Variants in PRR16 observed in about 807,000 individuals in gnomAD.
The protein encoded by PRR16 is proline rich 16, also known as protein Largen.
A neutral mutation model predicts 18.2 loss-of-function variants in PRR16; 6 were observed. The ratio of observed to expected loss-of-function variants is 0.33; its 90% confidence interval spans 0.18 to 0.65. The LOEUF is 0.65. Ranked by LOEUF, PRR16 falls within the 30% of genes least tolerant of loss-of-function variation. The probability of loss-of-function intolerance (pLI) is 0.74; values close to 1 mark genes in which losing one functional copy is unlikely to be tolerated. For synonymous variants in PRR16, 151 were observed against 147.8 expected (o/e 1.02, Z -0.16); for missense variants, 412 against 376.6 (o/e 1.09, Z -0.78).
At chr5:120,712,549 A>C in the PRR16 span, among the ~76,000 whole-genome samples, 17 of 152,196 alleles carry the variant, frequency 1.1e-4, no homozygotes, top group African/African-American at 3.4e-4. Context: ...TATGTGAACT[A>C]TATACCTGAT....
chr5:120,764,814 AT>A, the PRR16 span, among the ~76,000 whole-genome samples: 1 of 152,090 alleles, frequency 6.6e-6, no homozygotes, highest in African/African-American at 2.4e-5. Context: ...TAGATAATTA[AT>A]AATTAGCACT....
At chr5:120,666,207 T>C (rs1422295092) in intron 1 of PRR16, among the ~76,000 whole-genome samples, 1 of 152,202 alleles carries the variant, frequency 6.6e-6, no homozygotes, top group African/African-American at 2.4e-5. Context: ...GGTATTTTAT[T>C]CTCTTTGAAG....
intron 1 of PRR16, among the ~76,000 whole-genome samples, chr5:120,602,795 T>C (rs1321534129): frequency 6.6e-6 from 1 of 151,960 alleles, no homozygotes; most frequent in Non-Finnish European, 1.5e-5. Context: ...ATTTTATCAA[T>C]GCCATATCTG....
chr5:120,502,255 G>A (rs879373971), intron 1 of PRR16, among the ~76,000 whole-genome samples: 7 of 150,606 alleles, frequency 4.6e-5, no homozygotes, highest in African/African-American at 1.7e-4. Context: ...GTTTTCCTTT[G>A]TTCTTTAATT....
At chr5:120,749,731 A>G in the PRR16 span, among the ~76,000 whole-genome samples, 1 of 152,176 alleles carries the variant, frequency 6.6e-6, no homozygotes, top group Non-Finnish European at 1.5e-5. Flanking sequence ...AAGAGTAAAT[A>G]GAAAGAATTC....
At chr5:120,648,797 C>G (rs561614180) in intron 1 of PRR16, among the ~76,000 whole-genome samples, 3 of 151,992 alleles carry the variant, frequency 2.0e-5, no homozygotes, top group Non-Finnish European at 4.4e-5. Flanking sequence ...TAGTATTTGC[C>G]CGTTCTTACA....
chr5:120,681,100 C>A lies in PRR16; in HGVS notation c.160-4854C>A, dbSNP rs190438628. Among the ~76,000 whole-genome samples the A allele has an allele frequency of 4.1e-3, 631 of 152,162 alleles. 3 individuals are homozygous for A. The highest frequency in any genetic ancestry group is 7.0e-3 in the Non-Finnish European group (476 of 67,956). ...TGTCTCTTTTTGGCAGCAATCACTA[C>A]TTTTATACATTATTTTAATCTATTT... is the stretch of plus-strand genomic sequence containing the variant. On this transcript the variant is annotated intron_variant, in intron 1 of 1. Transcript: ENST00000407149.
intron 1 of PRR16, among the ~76,000 whole-genome samples, chr5:120,646,612 T>G (rs1313039427): frequency 6.6e-6 from 1 of 151,962 alleles, no homozygotes; most frequent in Admixed American, 6.6e-5. Flanking sequence ...GGATGGTGAT[T>G]GAGTAAGGGC....
intron 1 of PRR16, among the ~76,000 whole-genome samples, chr5:120,668,324 C>CTTTTA (rs1049189243): frequency 6.6e-6 from 1 of 150,908 alleles, no homozygotes; most frequent in African/African-American, 2.4e-5. Context: ...TTCCTCCATC[C>CTTTTA]TTTTATTTTG....
At chr5:120,694,002 C>T in the PRR16 span, among the ~76,000 whole-genome samples, 1 of 152,202 alleles carries the variant, frequency 6.6e-6, no homozygotes, top group African/African-American at 2.4e-5. Context: ...TCTATTACCA[C>T]CCAGTTTCCT....
At chr5:120,680,727 T>A (rs146596477) in intron 1 of PRR16, among the ~76,000 whole-genome samples, 50 of 152,308 alleles carry the variant, frequency 3.3e-4, no homozygotes, top group Middle Eastern at 3.4e-3. Context: ...GTTTCATTTT[T>A]ACCAAATCAT....
At chr5:120,589,995 A>C (rs1412444007) in intron 1 of PRR16, among the ~76,000 whole-genome samples, 1 of 152,094 alleles carries the variant, frequency 6.6e-6, no homozygotes, top group Non-Finnish European at 1.5e-5. Context: ...TTCCCTACTC[A>C]AAAGATTTCT....
intron 1 of PRR16, among the ~76,000 whole-genome samples, chr5:120,596,188 CAATCTTGAT>C (rs1753809343): frequency 1.3e-5 from 2 of 149,570 alleles, no homozygotes; most frequent in Non-Finnish European, 3.0e-5. Context: ...TTTACTTATA[CAATCTTGAT>C]TTGGGCTCAT....
intron 1 of PRR16, among the ~76,000 whole-genome samples, chr5:120,546,044 T>C (rs1752064413): frequency 6.6e-6 from 1 of 152,104 alleles, no homozygotes; most frequent in South Asian, 2.1e-4. Flanking sequence ...CATACATTAT[T>C]AATTCTGAGA....
At chr5:120,540,987 A>G (rs1251638168) in intron 1 of PRR16, among the ~76,000 whole-genome samples, 1 of 152,232 alleles carries the variant, frequency 6.6e-6, no homozygotes, top group African/African-American at 2.4e-5. Context: ...GGGATATGCA[A>G]CAAATGCATT....
the PRR16 span, among the ~76,000 whole-genome samples, chr5:120,766,494 G>T: frequency 6.6e-6 from 1 of 151,734 alleles, no homozygotes; most frequent in East Asian, 1.9e-4. Flanking sequence ...CTAGTCAATT[G>T]TGTCATATAT....
intron 1 of PRR16, among the ~76,000 whole-genome samples, chr5:120,536,714 T>G (rs920865288): frequency 1.3e-5 from 2 of 152,260 alleles, no homozygotes; most frequent in African/African-American, 4.8e-5. Flanking sequence ...ACCTATTGTC[T>G]GCCTTTGATC....
the PRR16 span, among the ~76,000 whole-genome samples, chr5:120,720,708 T>C: frequency 6.6e-6 from 1 of 152,086 alleles, no homozygotes; most frequent in Admixed American, 6.6e-5. Context: ...CAGAAAATTC[T>C]GCATTATGCA....
intron 1 of PRR16, among the ~76,000 whole-genome samples, chr5:120,631,937 A>G (rs1755069424): frequency 6.6e-6 from 1 of 152,148 alleles, no homozygotes; most frequent in Admixed American, 6.5e-5. Context: ...ACACAAAACC[A>G]GCACACTAAA....
Sources: gnomAD v4.1 joint callset for allele counts (sites outside exome capture counted in the v4.1 genomes callset) on GRCh38, gnomAD v4.1.1 for gene constraint, MANE v1.5 for transcripts, NCBI Gene and HGNC (gene_info 2026-07-23, HGNC 2026-07-21) for gene names.